Variants in CCSER1 observed in about 807,000 individuals in gnomAD.
The protein encoded by CCSER1 is serine-rich coiled-coil domain-containing protein 1.
A neutral mutation model predicts 82.0 loss-of-function variants in CCSER1; 41 were observed. The observed-to-expected ratio is 0.50, with a 90% CI of 0.39 to 0.65. CCSER1 has a LOEUF of 0.65. CCSER1 is among the 30% of genes least tolerant of loss of function. CCSER1 has a pLI of 0.00. For missense variants in CCSER1, 1,119 were observed against 1,064.2 expected (o/e 1.05, Z -0.72); for synonymous variants, 414 against 383.9 (o/e 1.08, Z -0.92).
chr4:91,577,584 C>A (rs111989496), intron 10 of CCSER1, among the ~76,000 whole-genome samples: 1 of 151,994 alleles, frequency 6.6e-6, no homozygotes, highest in Non-Finnish European at 1.5e-5. Context: ...GATGCCATAT[C>A]TAACCATGTT....
At chr4:91,407,982 G>A (rs1490379376) in intron 10 of CCSER1, among the ~76,000 whole-genome samples, 1 of 152,032 alleles carries the variant, frequency 6.6e-6, no homozygotes, top group Non-Finnish European at 1.5e-5. Flanking sequence ...AGTGAGGGCT[G>A]TTGATGCTCC....
chr4:91,042,479 T>G (rs1742049341), intron 9 of CCSER1, among the ~76,000 whole-genome samples: 1 of 152,120 alleles, frequency 6.6e-6, no homozygotes, highest in African/African-American at 2.4e-5. Context: ...TACAAAGTAT[T>G]TTTTAAGGGT....
intron 10 of CCSER1, among the ~76,000 whole-genome samples, chr4:91,389,990 A>G (rs1751547919): frequency 6.6e-6 from 1 of 152,054 alleles, no homozygotes; most frequent in Non-Finnish European, 1.5e-5. Context: ...TTGTGAATAT[A>G]CAATCATGTA....
chr4:90,505,229 C>A (rs537775310), intron 5 of CCSER1, among the ~76,000 whole-genome samples: 10 of 152,342 alleles, frequency 6.6e-5, no homozygotes, highest in African/African-American at 2.4e-4. Context: ...AACAGATGGG[C>A]TACAAAGGAC....
At chr4:91,125,954 A>G (rs1009757998) in intron 10 of CCSER1, among the ~76,000 whole-genome samples, 14 of 151,680 alleles carry the variant, frequency 9.2e-5, no homozygotes, top group Non-Finnish European at 1.8e-4. Context: ...ATTTAAAAAA[A>G]TTTGCTTTCA....
intron 10 of CCSER1, among the ~76,000 whole-genome samples, chr4:91,388,977 G>C (rs1401769455): frequency 6.6e-6 from 1 of 151,828 alleles, no homozygotes; most frequent in Non-Finnish European, 1.5e-5. Flanking sequence ...TATATATTTT[G>C]AATAACAATC....
intron 5 of CCSER1, among the ~76,000 whole-genome samples, chr4:90,570,298 C>T (rs1286771121): frequency 6.6e-6 from 1 of 152,130 alleles, no homozygotes; most frequent in Non-Finnish European, 1.5e-5. Flanking sequence ...GTTGGTCAGG[C>T]CTGCTCCCAT....
intron 9 of CCSER1, among the ~76,000 whole-genome samples, chr4:90,956,406 A>G (rs1474054176): frequency 3.3e-5 from 5 of 152,164 alleles, no homozygotes; most frequent in African/African-American, 7.2e-5. Flanking sequence ...TAAATACTAT[A>G]TATGAAATAC....
At chr4:90,290,294 A>G (rs1578985269) in intron 1 of CCSER1, among the ~76,000 whole-genome samples, 3 of 152,022 alleles carry the variant, frequency 2.0e-5, no homozygotes, top group Admixed American at 2.0e-4. Flanking sequence ...CTCATCAGTA[A>G]TTATTTTTTA....
At chr4:91,325,216 T>G in intron 10 of CCSER1, 1 of 455,864 alleles carries the variant, frequency 2.2e-6, no homozygotes, top group Non-Finnish European at 4.4e-6. Flanking sequence ...TTATTGTAAT[T>G]AGATATGGCT....
At chr4:91,392,973 G>A (rs373890054) in intron 10 of CCSER1, among the ~76,000 whole-genome samples, 9 of 152,004 alleles carry the variant, frequency 5.9e-5, no homozygotes, top group African/African-American at 2.2e-4. Context: ...GGGCTGAGGT[G>A]GTGTATTTTT....
At chr4:90,923,819 C>A (rs1728720468) in intron 9 of CCSER1, among the ~76,000 whole-genome samples, 1 of 152,126 alleles carries the variant, frequency 6.6e-6, no homozygotes, top group African/African-American at 2.4e-5. Context: ...AAAGGTGAAG[C>A]ACATCATTTT....
intron 10 of CCSER1, among the ~76,000 whole-genome samples, chr4:91,329,724 C>G (rs1578203695): frequency 6.6e-6 from 1 of 152,228 alleles, no homozygotes; most frequent in African/African-American, 2.4e-5. Flanking sequence ...TTTATGAGGA[C>G]TCTACCCTCA....
At chr4:91,332,309 A>G (rs775544204) in intron 10 of CCSER1, among the ~76,000 whole-genome samples, 1 of 151,914 alleles carries the variant, frequency 6.6e-6, no homozygotes, top group Non-Finnish European at 1.5e-5. Context: ...TACATTGATA[A>G]TATTATCCCT....
At chr4:90,903,918 C>T (rs1725057295) in intron 8 of CCSER1, among the ~76,000 whole-genome samples, 1 of 151,150 alleles carries the variant, frequency 6.6e-6, no homozygotes, top group South Asian at 2.1e-4. Flanking sequence ...TGAATTTTTA[C>T]CTTTTATAGT....
intron 5 of CCSER1, among the ~76,000 whole-genome samples, chr4:90,483,056 C>T (rs918121380): frequency 1.3e-5 from 2 of 152,128 alleles, no homozygotes; most frequent in African/African-American, 4.8e-5. Context: ...CTGAGTGCTC[C>T]TGTATTGGGT....
At chr4:90,312,435 A>G (rs1458808716) in intron 2 of CCSER1, among the ~76,000 whole-genome samples, 1 of 152,194 alleles carries the variant, frequency 6.6e-6, no homozygotes, top group East Asian at 1.9e-4. Context: ...TTATGTTTTA[A>G]GTATATGATT....
intron 1 of CCSER1, among the ~76,000 whole-genome samples, chr4:90,276,543 A>C (rs1297444629): frequency 2.0e-5 from 3 of 151,612 alleles, no homozygotes; most frequent in Non-Finnish European, 4.4e-5. Context: ...ATGGGGTTTC[A>C]CCATGTTGGT....
chr4:91,549,862 G>C (rs954194937), intron 10 of CCSER1, among the ~76,000 whole-genome samples: 1 of 151,878 alleles, frequency 6.6e-6, no homozygotes, highest in Non-Finnish European at 1.5e-5. Flanking sequence ...TTAGTCCTTC[G>C]GTGAGCCAGT....
Sources: gnomAD v4.1 joint callset for allele counts (sites outside exome capture counted in the v4.1 genomes callset) on GRCh38, gnomAD v4.1.1 for gene constraint, MANE v1.5 for transcripts, NCBI Gene and HGNC (gene_info 2026-07-23, HGNC 2026-07-21) for gene names.